The following FSCN1 variants were observed in gnomAD, a reference collection of about 807,000 sequenced individuals.
FSCN1 encodes the protein fascin.
In FSCN1, 10 loss-of-function variants were observed where a neutral mutation model predicts 39.7. That is an observed-to-expected ratio of 0.25 (90% CI 0.16 to 0.43). The LOEUF is 0.43. Among genes scored for constraint, FSCN1 ranks in the 20% least tolerant of loss-of-function variants. FSCN1 has a pLI of 1.00. For synonymous variants in FSCN1, 322 were observed against 320.0 expected (o/e 1.01, Z -0.07); for missense variants, 525 against 723.8 (o/e 0.73, Z 3.15).
chr7:5,603,845 C>G lies in FSCN1; in HGVS notation c.1112-18C>G. ...CTCCCTGCCAGGAGGCTCACTGACTCCCCTCTTTCTGGGACAGGGGACTCA... is the reference window on the plus strand; with the variant it reads ...CTCCCTGCCAGGAGGCTCACTGACTGCCCTCTTTCTGGGACAGGGGACTCA... On this transcript the variant is annotated intron_variant, in intron 3 of 4. Transcript: ENST00000382361. This position sits in a 1 kb window ranked among gnomAD's most constrained non-coding sequence, Gnocchi z 8.5. 6.2e-7 allele frequency: 1 copy of G among 1,608,776 alleles called. No homozygotes were observed. Among genetic ancestry groups the G allele is most frequent in the Non-Finnish European group, 8.5e-7 (1 of 1,176,474 alleles).
At position 5,593,448 on chromosome 7, in the gene FSCN1, G is replaced by A. The variant is rs1785669942; in HGVS notation, c.512G>A (p.Trp171Ter). The A allele has an allele frequency of 6.2e-7, 1 of 1,611,800 alleles. No individual in the cohort carries two copies. The highest frequency in any genetic ancestry group is 1.3e-5 in the African/African-American group (1 of 74,920). The change falls in exon 1 of 5, where the codon TGG (tryptophan) becomes TAG (stop). Residue 171 changes from tryptophan (W) to a stop codon, truncating the protein, a stop_gained. Transcript: ENST00000382361. LOFTEE classifies it high-confidence loss of function. ...DEIAVDRDVP[W>*]GVDSLITLAF... ...ATCGCCGTGGACCGCGACGTGCCCT[G>A]GGGCGTCGACTCGCTCATCACCCTC...
In FSCN1 at chr7:5,592,900, C is replaced by A. The variant is rs1189059064; in HGVS notation, c.-37C>A. On this transcript the variant is annotated 5_prime_UTR_variant, in exon 1 of 5. Transcript: ENST00000382361. The surrounding 1 kb of genome is among the most constrained non-coding windows in gnomAD (Gnocchi z 5.3). Reference sequence around the variant, plus strand: ...CGCCGCAGGGACCCGCCACCCACCTCCCGGGGCCGCGCAGCGGCCTCTCGT... The same window carrying A: ...CGCCGCAGGGACCCGCCACCCACCTACCGGGGCCGCGCAGCGGCCTCTCGT... 1 of 1,359,574 alleles carries A rather than the reference C, an allele frequency of 7.4e-7. No homozygotes were observed. The highest frequency in any genetic ancestry group is 2.6e-5 in the East Asian group (1 of 38,460). The allele number at this position is 1,359,574 out of a possible 1,614,324, so 84.2% of individuals were successfully genotyped here. A position where few individuals can be genotyped will look rare whatever the true frequency, so the allele number is the denominator to read the frequency against.
intron 1 of FSCN1, among the ~76,000 whole-genome samples, chr7:5,601,179 A>C (rs1300875186): frequency 6.9e-5 from 10 of 145,966 alleles, no homozygotes; most frequent in Non-Finnish European, 1.5e-5. Context: ...ACATCTGTGC[A>C]TGTTTCTTTC....
chr7:5,602,286 C>A (rs893838075), intron 1 of FSCN1, among the ~76,000 whole-genome samples: 22 of 151,582 alleles, frequency 1.5e-4, no homozygotes, highest in Non-Finnish European at 2.5e-4. Context: ...ATCCTCCTGA[C>A]TTGGCCTCCC....
At chr7:5,601,110 G>C (rs1455624481) in intron 1 of FSCN1, among the ~76,000 whole-genome samples, 2 of 151,682 alleles carry the variant, frequency 1.3e-5, no homozygotes, top group Non-Finnish European at 2.9e-5. Context: ...ACTTTTTAGG[G>C]ACATGGAATC....
intron 4 of FSCN1, among the ~76,000 whole-genome samples, chr7:5,604,433 C>T (rs1332747791): frequency 2.0e-5 from 3 of 151,936 alleles, no homozygotes; most frequent in African/African-American, 7.3e-5. Flanking sequence ...CCAGGAGGAC[C>T]CCCAACAATC....
intron 1 of FSCN1, among the ~76,000 whole-genome samples, chr7:5,601,641 C>T (rs1468869599): frequency 6.6e-6 from 1 of 151,986 alleles, no homozygotes; most frequent in Admixed American, 6.6e-5. Flanking sequence ...AGTTCAAGAC[C>T]ATCCTAGGCA....
Position 5,593,734 on chromosome 7 carries a change from G to A in FSCN1, c.798G>A (p.Gln266=). 6.3e-7 allele frequency: 1 copy of A among 1,591,040 alleles called. No homozygotes were observed. Residue 266 remains glutamine (Q), a synonymous_variant, in exon 1 of 5, where the codon CAG becomes CAA. Coordinates refer to ENST00000382361, the MANE Select transcript of FSCN1 (RefSeq NM_003088.4). ...AGAGCTGCGCCCAGGTCGTGCTGCA[G>A]GCGGCCAACGAGAGGAACGTGTCCA... ...LEQSCAQVVL[Q]AANERNVSTR...
chr7:5,597,377 T>A, intron 1 of FSCN1, among the ~76,000 whole-genome samples: 1 of 141,760 alleles, frequency 7.1e-6, no homozygotes, highest in Non-Finnish European at 1.5e-5. Flanking sequence ...TTAAAAAAAT[T>A]TTTTTTGGCC....
chr7:5,596,478 CTGAG>C (rs1785732519), intron 1 of FSCN1, among the ~76,000 whole-genome samples: 2 of 152,228 alleles, frequency 1.3e-5, no homozygotes, highest in Non-Finnish European at 2.9e-5. Flanking sequence ...GCTGGGTCAG[CTGAG>C]TGAGTGCTCC....
At position 5,605,120 on chromosome 7, in the gene FSCN1, G is replaced by A; in HGVS notation, c.1280-152G>A. 2 of 626,006 alleles carry A rather than the reference G, an allele frequency of 3.2e-6. No individual in the cohort carries two copies. Among genetic ancestry groups the A allele is most frequent in the South Asian group, 1.9e-5 (1 of 52,410 alleles). 38.8% of individuals were successfully genotyped at this position (626,006 alleles called of 1,614,324 possible). The stretch of plus-strand genomic sequence containing the variant: ...TTCATGTGTCCATCATGGACAGGAG[G>A]ACGTGCGGGCCATAGGGACCCTGGC... On this transcript the variant is annotated intron_variant, in intron 4 of 4. Coordinates refer to ENST00000382361, the MANE Select transcript of FSCN1 (RefSeq NM_003088.4). This position sits in a 1 kb window ranked among gnomAD's most constrained non-coding sequence, Gnocchi z 6.9.
chr7:5,603,331 A>G lies in FSCN1; in HGVS notation c.907A>G (p.Lys303Glu), dbSNP rs1256728929. ...CCAGCTGGAGATCGACCGCGACACC[A>G]AAAAGTGTGCCTTCCGTACCCACAC... ...TFQLEIDRDTKKCAFRTHTGK... is the reference protein window; with the variant it reads ...TFQLEIDRDTEKCAFRTHTGK... The change falls in exon 2 of 5, where the codon AAA becomes GAA. Residue 303 changes from lysine to glutamate, a missense_variant. By Grantham distance (56) the Lys-to-Glu change is moderately conservative (BLOSUM62 1). This residue lies in a region of FSCN1 where 275 missense variants were observed against 351.9 expected (regional missense o/e 0.78). Coordinates refer to ENST00000382361, the MANE Select transcript of FSCN1 (RefSeq NM_003088.4). The surrounding 1 kb of genome is among the most constrained non-coding windows in gnomAD (Gnocchi z 8.5). The G allele has an allele frequency of 1.2e-6, 2 of 1,613,422 alleles. No homozygotes were observed. The highest frequency in any genetic ancestry group is 1.7e-6 in the Non-Finnish European group (2 of 1,179,984).
At chr7:5,595,324 G>A (rs568712333) in intron 1 of FSCN1, among the ~76,000 whole-genome samples, 32 of 152,330 alleles carry the variant, frequency 2.1e-4, no homozygotes, top group African/African-American at 7.2e-4. Context: ...CACAGCAAGT[G>A]ACCACAAGGA....
chr7:5,598,809 C>G (rs923690452), intron 1 of FSCN1, among the ~76,000 whole-genome samples: 2 of 152,210 alleles, frequency 1.3e-5, no homozygotes, highest in African/African-American at 4.8e-5. Flanking sequence ...AACTTCCCTC[C>G]GATCAGCGGG....
At chr7:5,596,030 C>T (rs1235220238) in intron 1 of FSCN1, among the ~76,000 whole-genome samples, 2 of 100,656 alleles carry the variant, frequency 2.0e-5, no homozygotes, top group South Asian at 3.3e-4. Context: ...TGGGACGGCG[C>T]GGGGGTGGGG....
chr7:5,596,021 G>C (rs918647282), intron 1 of FSCN1, among the ~76,000 whole-genome samples: 1 of 151,846 alleles, frequency 6.6e-6, no homozygotes, highest in Non-Finnish European at 1.5e-5. Flanking sequence ...AAAGGGATGT[G>C]GGACGGCGCG....
intron 1 of FSCN1, among the ~76,000 whole-genome samples, chr7:5,601,473 G>C (rs992167872): frequency 9.2e-5 from 14 of 152,138 alleles, no homozygotes; most frequent in Non-Finnish European, 1.5e-4. Flanking sequence ...AAAGTGCTGG[G>C]ATTACAGGCG....
In FSCN1 at chr7:5,605,317, C is replaced by G; in HGVS notation, c.1325C>G (p.Thr442Ser). The part of the protein sequence containing the change: ...YWTVGSDSAV[T>S]SSGDTPVDFF... Reference sequence around the variant, plus strand: ...ACGGTGGGCAGTGACTCCGCGGTCACCAGCAGCGGCGACACTCCTGTGGAC... The same window carrying G: ...ACGGTGGGCAGTGACTCCGCGGTCAGCAGCAGCGGCGACACTCCTGTGGAC... Residue 442 changes from threonine to serine, a missense_variant, in exon 5 of 5, where the codon ACC (threonine) becomes AGC (serine). Thr to Ser is a moderately conservative substitution (Grantham distance 58, BLOSUM62 1). Coordinates refer to ENST00000382361, the MANE Select transcript of FSCN1 (RefSeq NM_003088.4). The surrounding 1 kb of genome is among the most constrained non-coding windows in gnomAD (Gnocchi z 6.9). 6.2e-7 allele frequency: 1 copy of G among 1,613,800 alleles called. No homozygotes were observed. The highest frequency in any genetic ancestry group is 2.2e-5 in the East Asian group (1 of 44,874).
chr7:5,598,427 A>G (rs143129477), intron 1 of FSCN1, among the ~76,000 whole-genome samples: 18 of 152,308 alleles, frequency 1.2e-4, no homozygotes, highest in African/African-American at 4.1e-4. Context: ...TGGAGTTGCC[A>G]GGAGGATTAA....
Sources: allele counts gnomAD v4.1 joint callset (sites outside exome capture counted in the v4.1 genomes callset), GRCh38; gene constraint gnomAD v4.1.1; regional missense constraint gnomAD v4.1.1; non-coding constraint Gnocchi (gnomAD v3.1); transcripts MANE v1.5; gene names NCBI Gene and HGNC (gene_info 2026-07-23, HGNC 2026-07-21).